ATXN1: variants seen among roughly 807,000 people sequenced by gnomAD.
ATXN1 encodes the protein ataxin 1.
In ATXN1, 8 loss-of-function variants were observed where a neutral mutation model predicts 56.4. The ratio of observed to expected loss-of-function variants is 0.14; its 90% CI spans 0.08 to 0.26. The LOEUF is 0.26. Among genes scored for constraint, ATXN1 ranks in the 10% least tolerant of loss-of-function variants. The pLI is 1.00. For synonymous variants in ATXN1, 514 were observed against 494.6 expected, an observed-to-expected ratio of 1.04 and a Z score of -0.52; for missense variants, 987 against 1,106.5, an observed-to-expected ratio of 0.89 and a Z score of 1.53.
chr6:16,566,804 C>T (rs531205571), intron 4 of ATXN1, among the ~76,000 whole-genome samples: 19 of 151,736 alleles, frequency 1.3e-4, no homozygotes, highest in Non-Finnish European at 1.9e-4. Context: ...TGCAGTGAGC[C>T]GAGATCACAC....
intron 1 of ATXN1, among the ~76,000 whole-genome samples, chr6:16,755,537 A>T (rs6924861): frequency 0.18 from 28,097 of 152,024 alleles, 3,264 homozygotes; most frequent in East Asian, 0.62. Context: ...ATAATGTGAG[A>T]AAGGGGAACA....
chr6:16,663,309 G>A (rs998938637), intron 2 of ATXN1, among the ~76,000 whole-genome samples: 22 of 152,198 alleles, frequency 1.4e-4, no homozygotes, highest in African/African-American at 4.3e-4. Context: ...TTTTCAGTTG[G>A]CAATAGAAAG....
In ATXN1 at chr6:16,689,771, C is replaced by T. The variant is rs77863051; in HGVS notation, c.-614-31870G>A. Reference sequence around the variant, plus strand: ...TTTTTATAATGAAGACATTTAAAAACGTATTCTTTTAGCAATCTTGACATT... The same window carrying T: ...TTTTTATAATGAAGACATTTAAAAATGTATTCTTTTAGCAATCTTGACATT... On this transcript the variant is annotated intron_variant, in intron 2 of 7. Transcript: ENST00000436367. 5.3e-4 allele frequency among the ~76,000 whole-genome samples: 81 copies of T among 152,052 alleles called. No homozygotes were observed. In the East Asian group the frequency reaches 0.01, roughly 19 times the overall value.
At position 16,742,469 on chromosome 6, in the gene ATXN1, A is replaced by C. The variant is rs531437291; in HGVS notation, c.-615+10764T>G. Among the ~76,000 whole-genome samples, 6 of 152,338 alleles carry C rather than the reference A, an allele frequency of 3.9e-5. No individual in the cohort carries two copies. The South Asian group carries it at 1.2e-3, about 32-fold the overall frequency. ...ACCTGCCAGGGCAGGGCAAGGTTAA[A>C]AGGGCCTTAGGGTACTCTCCTCTGG... On this transcript the variant is annotated intron_variant, in intron 2 of 7. Coordinates refer to ENST00000436367, the MANE Select transcript of ATXN1 (RefSeq NM_001128164.2).
At chr6:16,419,478 G>C (rs1463380247) in intron 6 of ATXN1, among the ~76,000 whole-genome samples, 2 of 151,300 alleles carry the variant, frequency 1.3e-5, no homozygotes, top group African/African-American at 4.9e-5. Flanking sequence ...ATAATATTTT[G>C]AGTAATTTAA....
At chr6:16,645,005 T>C (rs1441677898) in intron 3 of ATXN1, among the ~76,000 whole-genome samples, 1 of 152,218 alleles carries the variant, frequency 6.6e-6, no homozygotes, top group East Asian at 1.9e-4. Context: ...TTACATAATA[T>C]GTGCTTGTAG....
At position 16,453,287 on chromosome 6, in the gene ATXN1, C is replaced by T. The variant is rs74488081; in HGVS notation, c.-161+32685G>A. ...CATCCTGGCTAACACGGTGAAACCC[C>T]GTCTCTACTAAAAATACAAAAAAAT... is the stretch of plus-strand genomic sequence containing the variant. On this transcript the variant is annotated intron_variant, in intron 6 of 7. Transcript: ENST00000436367. 2.3e-3 allele frequency among the ~76,000 whole-genome samples: 354 copies of T among 152,078 alleles called. 1 individual carries two copies. The highest frequency in any genetic ancestry group is 4.3e-3 in the Non-Finnish European group (289 of 67,992).
intron 7 of ATXN1, among the ~76,000 whole-genome samples, chr6:16,322,628 G>T (rs1410435025): frequency 2.0e-5 from 3 of 152,204 alleles, no homozygotes; most frequent in Non-Finnish European, 4.4e-5. Context: ...AGACCAGGAA[G>T]ATTCTTCAGG....
chr6:16,537,612 A>G (rs2299085), intron 4 of ATXN1, among the ~76,000 whole-genome samples: 49,412 of 151,614 alleles, frequency 0.33, 8,182 homozygotes, highest in Middle Eastern at 0.36. Context: ...AGGCTGGGGC[A>G]GGAGAATCGC....
At chr6:16,395,289 A>AAAAAAC (rs1561879485) in intron 6 of ATXN1, among the ~76,000 whole-genome samples, 1 of 150,184 alleles carries the variant, frequency 6.7e-6, no homozygotes, top group African/African-American at 2.5e-5. Context: ...AAAAAAAAAA[A>AAAAAAC]AACAAGAACA....
chr6:16,590,398 G>T (rs926991368), intron 3 of ATXN1, among the ~76,000 whole-genome samples: 5 of 152,160 alleles, frequency 3.3e-5, no homozygotes, highest in African/African-American at 1.2e-4. Context: ...ACTGGTAATA[G>T]TTATTTTACG....
chr6:16,328,198 T>A lies in ATXN1; in HGVS notation c.113A>T (p.His38Leu). The part of the protein sequence containing the change: ...EKAPTLPSDN[H>L]RVEGTAWLPG... ...GAGCCATGCTGTGCCCTCCACCCGG[T>A]GGTTGTCGCTGGGCAGGGTAGGGGC... The change falls in exon 7 of 8, where the codon CAC becomes CTC. Residue 38 changes from histidine (H) to leucine (L), a missense_variant. By Grantham distance (99) the His-to-Leu change is moderately conservative. This residue lies in a region of ATXN1 where 723 missense variants were observed against 791.7 expected (regional missense o/e 0.91). Coordinates refer to ENST00000436367, the MANE Select transcript of ATXN1 (RefSeq NM_001128164.2). This position sits in a 1 kb window ranked among gnomAD's most constrained non-coding sequence, Gnocchi z 6.2. 1 of 1,597,268 alleles carries A rather than the reference T, an allele frequency of 6.3e-7. No homozygotes were observed. Among genetic ancestry groups the A allele is most frequent in the Admixed American group, 1.7e-5 (1 of 58,740 alleles).
At chr6:16,656,179 A>G (rs58388037) in intron 3 of ATXN1, among the ~76,000 whole-genome samples, 11,791 of 151,968 alleles carry the variant, frequency 0.078, 714 homozygotes, top group Middle Eastern at 0.17. Context: ...AAATGGGGCC[A>G]GGAGGGACCC....
intron 3 of ATXN1, among the ~76,000 whole-genome samples, chr6:16,649,115 T>C (rs1410263699): frequency 1.3e-5 from 2 of 152,246 alleles, no homozygotes; most frequent in East Asian, 3.9e-4. Context: ...AATGATGATT[T>C]TCTTTTTAGT....
intron 3 of ATXN1, among the ~76,000 whole-genome samples, chr6:16,656,534 G>T (rs765398474): frequency 6.6e-6 from 1 of 152,160 alleles, no homozygotes; most frequent in Non-Finnish European, 1.5e-5. Flanking sequence ...TTATGTTGGT[G>T]TATGCTCTGG....
chr6:16,673,000 G>C (rs1758575941), intron 2 of ATXN1, among the ~76,000 whole-genome samples: 2 of 130,822 alleles, frequency 1.5e-5, no homozygotes, highest in South Asian at 5.0e-4. Flanking sequence ...GCGACAGAAT[G>C]AGACTCCGTT....
intron 6 of ATXN1, among the ~76,000 whole-genome samples, chr6:16,405,129 A>G (rs1361182647): frequency 6.6e-6 from 1 of 152,220 alleles, no homozygotes; most frequent in African/African-American, 2.4e-5. Flanking sequence ...ATGAACATTA[A>G]GTGGATTTAC....
intron 4 of ATXN1, among the ~76,000 whole-genome samples, chr6:16,583,908 A>G (rs1762571809): frequency 6.6e-6 from 1 of 152,170 alleles, no homozygotes; most frequent in Non-Finnish European, 1.5e-5. Flanking sequence ...TTAGGATTAT[A>G]CTATGGTTCA....
At chr6:16,339,775 T>C (rs1411518123) in intron 6 of ATXN1, among the ~76,000 whole-genome samples, 3 of 152,050 alleles carry the variant, frequency 2.0e-5, no homozygotes, top group Non-Finnish European at 2.9e-5. Flanking sequence ...GTCATTAGTG[T>C]GTAGTGAAGA....
Sources: gnomAD v4.1 joint callset for allele counts (sites outside exome capture counted in the v4.1 genomes callset) on GRCh38, gnomAD v4.1.1 for gene constraint, gnomAD v4.1.1 regional missense constraint, Gnocchi (gnomAD v3.1) non-coding constraint, MANE v1.5 for transcripts, NCBI Gene and HGNC (gene_info 2026-07-23, HGNC 2026-07-21) for gene names.